Variants in ZMYM4 observed in about 807,000 individuals in gnomAD.
ZMYM4 encodes zinc finger MYM-type protein 4.
In ZMYM4, 31 loss-of-function variants were observed where a neutral mutation model predicts 183.2. The observed-to-expected ratio is 0.17, with a 90% CI of 0.13 to 0.23. The LOEUF is 0.23. Among genes scored for constraint, ZMYM4 ranks in the 10% least tolerant of loss-of-function variants. The pLI is 1.00. For missense variants in ZMYM4, 1,273 were observed against 1,840.3 expected, an observed-to-expected ratio of 0.69 and a Z score of 5.64; for synonymous variants, 592 against 631.2, an observed-to-expected ratio of 0.94 and a Z score of 0.93.
At chr1:35,392,522 C>T (rs777064671) in intron 16 of ZMYM4, 125 bp from the exon 17 acceptor site, 185 of 1,281,800 alleles carry the variant, frequency 1.4e-4, no homozygotes, top group Admixed American at 5.0e-4. Flanking sequence ...TAGTTTCTTC[C>T]GTTGAATTAA....
intron 2 of ZMYM4, among the ~76,000 whole-genome samples, chr1:35,358,562 G>A (rs904887694): frequency 6.6e-6 from 1 of 152,060 alleles, no homozygotes; most frequent in African/African-American, 2.4e-5. Flanking sequence ...TCCAAGGTGA[G>A]TATTATGCTG....
At chr1:35,407,326 G>C (rs1645021197) in intron 25 of ZMYM4, among the ~76,000 whole-genome samples, 1 of 151,938 alleles carries the variant, frequency 6.6e-6, no homozygotes, top group Non-Finnish European at 1.5e-5. Flanking sequence ...CAGCTACTCA[G>C]GAGGCTGAGA....
rs1302896081 is a variant in ZMYM4, at chr1:35,370,523, G to C, written c.1077G>C (p.Gly359=). ...QKGQTAYQRK[G]STQLFCSTLC... ...GGCAAACTGCTTATCAGAGGAAAGG[G>C]TCTACTCAGCTATTCTGCTCCACAC... is the stretch of plus-strand genomic sequence containing the variant. Residue 359 remains glycine, a synonymous_variant, in exon 7 of 30, where the codon GGG becomes GGC. Coordinates refer to ENST00000314607, the MANE Select transcript of ZMYM4 (RefSeq NM_005095.3). The C allele has an allele frequency of 9.3e-6, 15 of 1,613,306 alleles. No individual in the cohort carries two copies. Among genetic ancestry groups the C allele is most frequent in the Non-Finnish European group, 1.3e-5 (15 of 1,179,802 alleles).
intron 20 of ZMYM4, 44 bp from the exon 21 acceptor site, chr1:35,398,369 G>T (rs765178740): frequency 6.5e-7 from 1 of 1,533,720 alleles, no homozygotes; most frequent in Non-Finnish European, 9.0e-7. Context: ...GATATAATTT[G>T]TTGTCTAAAC....
intron 5 of ZMYM4, among the ~76,000 whole-genome samples, chr1:35,362,308 A>G (rs1643956307): frequency 6.6e-6 from 1 of 152,220 alleles, no homozygotes; most frequent in African/African-American, 2.4e-5. Context: ...TCCAAGTTTG[A>G]GATCTGTGAG....
intron 2 of ZMYM4, among the ~76,000 whole-genome samples, chr1:35,331,263 G>T (rs1296652009): frequency 1.3e-5 from 2 of 152,148 alleles, no homozygotes; most frequent in African/African-American, 2.4e-5. Flanking sequence ...CATGGGTAGA[G>T]AATTGAGATG....
chr1:35,392,996 A>C (rs1371979787), intron 17 of ZMYM4, among the ~76,000 whole-genome samples: 2 of 152,202 alleles, frequency 1.3e-5, no homozygotes, highest in African/African-American at 4.8e-5. Flanking sequence ...ATTATAAATA[A>C]AATGTTTATA....
At chr1:35,375,448 G>A (rs1053019297) in intron 7 of ZMYM4, among the ~76,000 whole-genome samples, 1 of 152,110 alleles carries the variant, frequency 6.6e-6, no homozygotes, top group Non-Finnish European at 1.5e-5. Context: ...GTTAATTTTG[G>A]CATATGCATT....
intron 27 of ZMYM4, among the ~76,000 whole-genome samples, 166 bp from the exon 28 acceptor site, chr1:35,415,300 T>A (rs983417012): frequency 1.3e-5 from 2 of 152,200 alleles, no homozygotes; most frequent in African/African-American, 4.8e-5. Context: ...TGGAATCATC[T>A]GCCTTTTTCT....
intron 2 of ZMYM4, among the ~76,000 whole-genome samples, chr1:35,333,198 G>A (rs1642828908): frequency 1.3e-5 from 2 of 151,648 alleles, no homozygotes. Context: ...GGATCTTCAT[G>A]GCATTAACTA....
At chr1:35,313,423 CTG>C (rs1462958101) in intron 1 of ZMYM4, among the ~76,000 whole-genome samples, 1 of 136,838 alleles carries the variant, frequency 7.3e-6, no homozygotes, top group African/African-American at 2.7e-5. Flanking sequence ...GAGTCTCACT[CTG>C]TAGCCCAAGC....
At chr1:35,379,545 G>T (rs377087680) in intron 7 of ZMYM4, among the ~76,000 whole-genome samples, 1 of 152,220 alleles carries the variant, frequency 6.6e-6, no homozygotes, top group Admixed American at 6.5e-5. Flanking sequence ...CAACTGTTGC[G>T]CTTTCTTATC....
At chr1:35,340,926 G>A (rs12566263) in intron 2 of ZMYM4, among the ~76,000 whole-genome samples, 9,786 of 152,082 alleles carry the variant, frequency 0.064, 927 homozygotes, top group East Asian at 0.44. Flanking sequence ...GTAGGGCAAG[G>A]TTGGGGTCCA....
At chr1:35,369,746 C>G (rs190975826) in intron 5 of ZMYM4, among the ~76,000 whole-genome samples, 2 of 151,628 alleles carry the variant, frequency 1.3e-5, no homozygotes, top group African/African-American at 4.8e-5. Context: ...ACTTATAATA[C>G]TTTAATAAAA....
rs1198915576 is a variant in ZMYM4, at chr1:35,269,061, G to A, written c.15G>A (p.Glu5=). 8 of 1,549,294 alleles carry A rather than the reference G, an allele frequency of 5.2e-6. No homozygotes were observed. The highest frequency in any genetic ancestry group is 7.0e-6 in the Non-Finnish European group (8 of 1,146,740). MAER[E]VESGPRKRFE... Reference sequence around the variant, plus strand: ...CGGGGCCCAACATGGCGGAGAGAGAGGTGGAGTCCGGCCCCCGAAAGAGGG... The same window carrying A: ...CGGGGCCCAACATGGCGGAGAGAGAAGTGGAGTCCGGCCCCCGAAAGAGGG... Residue 5 remains glutamate (E), a synonymous_variant, in exon 1 of 30, where the codon GAG becomes GAA. Coordinates refer to ENST00000314607, the MANE Select transcript of ZMYM4 (RefSeq NM_005095.3).
At position 35,359,418 on chromosome 1, in the gene ZMYM4, G is replaced by A. The variant is rs765870992; in HGVS notation, c.579G>A (p.Arg193=). The change falls in exon 3 of 30, where the codon AGG becomes AGA. Residue 193 remains arginine, a synonymous_variant. Coordinates refer to ENST00000314607, the MANE Select transcript of ZMYM4 (RefSeq NM_005095.3). ...LDKPHKDLDS[R]LKSSFFDKAA... Reference sequence around the variant, plus strand: ...AACCCCATAAAGATTTGGATTCAAGGTTGAAAAGCAGTTTTTTTGATAAAG... The same window carrying A: ...AACCCCATAAAGATTTGGATTCAAGATTGAAAAGCAGTTTTTTTGATAAAG... 1 of 1,567,550 alleles carries A rather than the reference G, an allele frequency of 6.4e-7. No individual in the cohort carries two copies. The highest frequency in any genetic ancestry group is 2.1e-5 in the Admixed American group (1 of 46,548).
At chr1:35,376,120 T>G (rs570269231) in intron 7 of ZMYM4, among the ~76,000 whole-genome samples, 2 of 152,148 alleles carry the variant, frequency 1.3e-5, no homozygotes, top group Admixed American at 1.3e-4. Context: ...AGAGGTAATT[T>G]GGAGGATAAT....
chr1:35,392,012 G>A (rs1209365259), intron 15 of ZMYM4, among the ~76,000 whole-genome samples, 200 bp from the exon 16 acceptor site: 1 of 151,936 alleles, frequency 6.6e-6, no homozygotes, highest in Non-Finnish European at 1.5e-5. Context: ...CTGCACTCCA[G>A]CCTGGGCAGC....
At chr1:35,280,594 A>G (rs773570447) in intron 1 of ZMYM4, among the ~76,000 whole-genome samples, 1 of 152,242 alleles carries the variant, frequency 6.6e-6, no homozygotes, top group Non-Finnish European at 1.5e-5. Flanking sequence ...AAAGTTTGAA[A>G]TCAGGATGTT....
Sources: allele counts gnomAD v4.1 joint callset (sites outside exome capture counted in the v4.1 genomes callset), GRCh38; gene constraint gnomAD v4.1.1; transcripts MANE v1.5; gene names NCBI Gene and HGNC (gene_info 2026-07-23, HGNC 2026-07-21).